TMEM184C: variants seen among roughly 807,000 people sequenced by gnomAD.
TMEM184C encodes transmembrane protein 34.
TMEM184C carries 25 observed loss-of-function variants against 54.5 expected under a neutral mutation model. The observed-to-expected ratio is 0.46, with a 90% CI of 0.33 to 0.64. TMEM184C has a LOEUF of 0.64. Ranked by LOEUF, TMEM184C falls within the 30% of genes least tolerant of loss-of-function variation. TMEM184C has a pLI of 0.02. For synonymous variants in TMEM184C, 148 were observed against 181.5 expected (o/e 0.82, Z 1.49); for missense variants, 335 against 520.3 (o/e 0.64, Z 3.46).
intron 4 of TMEM184C, among the ~76,000 whole-genome samples, chr4:147,625,343 T>C (rs1050534143): frequency 5.3e-5 from 8 of 152,168 alleles, no homozygotes; most frequent in South Asian, 2.1e-4. Context: ...TTAAAAGACA[T>C]AGACAAGATA....
At chr4:147,622,235 G>A (rs1407575649) in intron 1 of TMEM184C, among the ~76,000 whole-genome samples, 4 of 151,862 alleles carry the variant, frequency 2.6e-5, no homozygotes, top group African/African-American at 9.7e-5. Flanking sequence ...GAGCCACCGC[G>A]CCTGGCCGCA....
chr4:147,621,149 C>G (rs1732701016), intron 1 of TMEM184C, among the ~76,000 whole-genome samples: 1 of 152,120 alleles, frequency 6.6e-6, no homozygotes, highest in African/African-American at 2.4e-5. Flanking sequence ...GCATGCTGCT[C>G]TAGTCTTTTT....
chr4:147,628,672 G>A (rs80193500), intron 5 of TMEM184C, among the ~76,000 whole-genome samples: 1,744 of 152,016 alleles, frequency 0.011, 39 homozygotes, highest in African/African-American at 0.039. Flanking sequence ...CTAGCTGGCC[G>A]TAAAGCACTT....
At chr4:147,623,180 C>T (rs1732743048) in intron 1 of TMEM184C, among the ~76,000 whole-genome samples, 1 of 152,162 alleles carries the variant, frequency 6.6e-6, no homozygotes, top group African/African-American at 2.4e-5. Flanking sequence ...TGCACGGTGG[C>T]TCATGCCTGT....
In TMEM184C at chr4:147,636,605, AAAAC is replaced by A. The variant is rs1205769811; in HGVS notation, c.*2175_*2178del. On this transcript the variant is annotated 3_prime_UTR_variant, in exon 10 of 10. Transcript: ENST00000296582. ...TATCACACCAAAAGCTCAGTCAACA[AAAAC>A]AAAAACAAATGTGACTACATCAAAC... is the stretch of plus-strand genomic sequence containing the variant. 1 of 152,190 alleles carries A rather than the reference AAAAC, an allele frequency of 6.6e-6. No individual in the cohort carries two copies. Among genetic ancestry groups the A allele is most frequent in the East Asian group, 1.9e-4 (1 of 5,200 alleles). 9.4% of individuals were successfully genotyped at this position (152,190 alleles called of 1,614,324 possible).
intron 8 of TMEM184C, among the ~76,000 whole-genome samples, 153 bp from the exon 9 acceptor site, chr4:147,633,612 T>G (rs1578862581): frequency 6.6e-6 from 1 of 152,178 alleles, no homozygotes; most frequent in East Asian, 1.9e-4. Flanking sequence ...TCAAAAATAA[T>G]TATTTTAGAA....
At chr4:147,622,925 G>A (rs1187783179) in intron 1 of TMEM184C, among the ~76,000 whole-genome samples, 1 of 151,862 alleles carries the variant, frequency 6.6e-6, no homozygotes. Context: ...TCCACGCCTC[G>A]CTAATTTATT....
rs753219100 is a variant in TMEM184C at position 147,634,408 on chromosome 4, C to T, written c.1291C>T (p.Pro431Ser). ...LSDTIGEKKE[P>S]SDKSVDS ...TGATACTATAGGAGAGAAAAAAGAA[C>T]CTTCAGATAAATCCGTGGATTCCTG... Residue 431 changes from proline to serine, a missense_variant, in exon 10 of 10, where the codon CCT (proline) becomes TCT (serine). Transcript: ENST00000296582. 1.9e-6 allele frequency: 3 copies of T among 1,613,966 alleles called. No homozygotes were observed. The highest frequency in any genetic ancestry group is 2.5e-6 in the Non-Finnish European group (3 of 1,179,968).
chr4:147,622,504 G>A (rs1289387830), intron 1 of TMEM184C, among the ~76,000 whole-genome samples: 1 of 152,092 alleles, frequency 6.6e-6, no homozygotes, highest in Non-Finnish European at 1.5e-5. Flanking sequence ...AAGTATATAT[G>A]TATAGGAAAA....
At position 147,634,209 on chromosome 4, in the gene TMEM184C, C is replaced by T. The variant is rs766265087; in HGVS notation, c.1092C>T (p.Pro364=). Residue 364 remains proline (P), a synonymous_variant, in exon 10 of 10, where the codon CCC becomes CCT. Coordinates refer to ENST00000296582, the MANE Select transcript of TMEM184C (RefSeq NM_018241.3). ...GACATCCCAGGAAAAAATTGTTTCC[C>T]GAGGATCAAGATCAAAATGAACATA... The part of the protein sequence containing the change: ...VRGHPRKKLF[P]EDQDQNEHTS... The T allele has an allele frequency of 5.6e-6, 9 of 1,613,768 alleles. No homozygotes were observed. Among genetic ancestry groups the T allele is most frequent in the East Asian group, 2.2e-5 (1 of 44,868 alleles).
chr4:147,623,276 A>G (rs2654939), intron 1 of TMEM184C, among the ~76,000 whole-genome samples: 151,926 of 151,958 alleles, frequency 1, 75,947 homozygotes, highest in Middle Eastern at 1. Context: ...GCGAAACCCC[A>G]TCTCTACTAA....
At chr4:147,625,804 G>A (rs918309605) in intron 4 of TMEM184C, among the ~76,000 whole-genome samples, 5 of 152,158 alleles carry the variant, frequency 3.3e-5, no homozygotes, top group Non-Finnish European at 7.4e-5. Flanking sequence ...AGACAGAACC[G>A]ATTCATCAAG....
intron 1 of TMEM184C, among the ~76,000 whole-genome samples, chr4:147,619,031 G>A (rs1334073959): frequency 1.3e-5 from 2 of 150,014 alleles, no homozygotes; most frequent in Non-Finnish European, 3.0e-5. Context: ...CATCACGCCC[G>A]GCTAATTTTG....
At chr4:147,622,501 T>C (rs1697658241) in intron 1 of TMEM184C, among the ~76,000 whole-genome samples, 1 of 152,182 alleles carries the variant, frequency 6.6e-6, no homozygotes, top group Non-Finnish European at 1.5e-5. Flanking sequence ...CATAAGTATA[T>C]ATGTATAGGA....
chr4:147,624,167 T>C, intron 3 of TMEM184C, 69 bp downstream of exon 3: 1 of 1,355,200 alleles, frequency 7.4e-7, no homozygotes, highest in South Asian at 1.3e-5. Context: ...ACAGAATGCT[T>C]AAGATAATGA....
At position 147,617,937 on chromosome 4, in the gene TMEM184C, G is replaced by C. The variant is rs1434623362; in HGVS notation, c.-20G>C. The C allele has an allele frequency of 6.2e-7, 1 of 1,613,838 alleles. No homozygotes were observed. On this transcript the variant is annotated 5_prime_UTR_variant, in exon 1 of 10. Transcript: ENST00000296582. Reference sequence around the variant, plus strand: ...TCGAGATCTTTTCCCTTGCTAACCGGATCTGATTTGTGCGAAAACATGCCT... The same window carrying C: ...TCGAGATCTTTTCCCTTGCTAACCGCATCTGATTTGTGCGAAAACATGCCT...
rs935585706 is a variant in TMEM184C at position 147,635,594 on chromosome 4, T to C, written c.*1160T>C. The C allele has an allele frequency of 1.3e-5, 2 of 152,220 alleles. No homozygotes were observed. The highest frequency in any genetic ancestry group is 2.9e-5 in the Non-Finnish European group (2 of 68,008). 9.4% of individuals were successfully genotyped at this position (152,220 alleles called of 1,614,324 possible). A position where few individuals can be genotyped will look rare whatever the true frequency, so the allele number is the denominator to read the frequency against. On this transcript the variant is annotated 3_prime_UTR_variant, in exon 10 of 10. Transcript: ENST00000296582. ...ATTGTTTCTCAAAGCCTTTGCTTTA[T>C]GTATTTATACACATACTCATTCATA...
Position 147,617,826 on chromosome 4 carries a change from G to C in TMEM184C, c.-131G>C. The C allele has an allele frequency of 7.4e-7, 1 of 1,351,086 alleles. No homozygotes were observed. Among genetic ancestry groups the C allele is most frequent in the Non-Finnish European group, 1.0e-6 (1 of 959,530 alleles). The allele number at this position is 1,351,086 out of a possible 1,614,324, so 83.7% of individuals were successfully genotyped here. On this transcript the variant is annotated 5_prime_UTR_variant, in exon 1 of 10. Coordinates refer to ENST00000296582, the MANE Select transcript of TMEM184C (RefSeq NM_018241.3). ...GCCGGTCCAGGAGGCGGCTCGAGCT[G>C]TTCGTAAAGTCGCCCGACAGCTTTT...
rs1446857365 is a variant in TMEM184C, at chr4:147,635,174, C to G, written c.*740C>G. ...AGCTTACCTAACAAACAGTTATATC[C>G]CTATTCCTCAACTGAATGTCTTTCA... On this transcript the variant is annotated 3_prime_UTR_variant, in exon 10 of 10. Transcript: ENST00000296582. 1 of 152,088 alleles carries G rather than the reference C, an allele frequency of 6.6e-6. No individual in the cohort carries two copies. Among genetic ancestry groups the G allele is most frequent in the Non-Finnish European group, 1.5e-5 (1 of 68,028 alleles). The allele number at this position is 152,088 out of a possible 1,614,324, so 9.4% of individuals were successfully genotyped here.
Sources: gnomAD v4.1 joint callset for allele counts (sites outside exome capture counted in the v4.1 genomes callset) on GRCh38, gnomAD v4.1.1 for gene constraint, MANE v1.5 for transcripts, NCBI Gene and HGNC (gene_info 2026-07-23, HGNC 2026-07-21) for gene names.